Variants in SIN3A observed in about 807,000 individuals in gnomAD.
SIN3A encodes the protein paired amphipathic helix protein Sin3a.
SIN3A carries 14 observed loss-of-function variants against 146.1 expected under a neutral mutation model. The observed-to-expected ratio is 0.10, with a 90% confidence interval of 0.06 to 0.15. SIN3A has a LOEUF of 0.15. Ranked by LOEUF, SIN3A falls within the 10% of genes least tolerant of loss-of-function variation. The pLI, the probability that SIN3A is intolerant of heterozygous loss-of-function variation, is 1.00. For missense variants in SIN3A, 1,028 were observed against 1,576.0 expected (o/e 0.65, Z 5.89); for synonymous variants, 572 against 572.0 (o/e 1.00, Z 0.00).
In SIN3A at chr15:75,369,619, C is replaced by G. The variant is rs1481438969; in HGVS notation, c.*2360G>C. 6.6e-6 allele frequency: 1 copy of G among 152,194 alleles called. No homozygotes were observed. Among genetic ancestry groups the G allele is most frequent in the Admixed American group, 6.5e-5 (1 of 15,280 alleles). The allele number at this position is 152,194 out of a possible 1,614,324, so 9.4% of individuals were successfully genotyped here. A position where few individuals can be genotyped will look rare whatever the true frequency, so the allele number is the denominator to read the frequency against. ...AAAACTTACTCTTTTGTTGGTTGCA[C>G]TGGTGGGTTGGGACTTTCTCCTGAA... On this transcript the variant is annotated 3_prime_UTR_variant, in exon 21 of 21. Transcript: ENST00000394947.
intron 3 of SIN3A, chr15:75,422,316 A>G (rs543972340): frequency 1.7e-6 from 1 of 575,748 alleles, no homozygotes; most frequent in East Asian, 2.8e-5. Flanking sequence ...GTAGCCAATC[A>G]TATATGTGCT....
chr15:75,415,036 T>C (rs1457237482), intron 3 of SIN3A, among the ~76,000 whole-genome samples: 1 of 152,228 alleles, frequency 6.6e-6, no homozygotes, highest in Non-Finnish European at 1.5e-5. Flanking sequence ...GTAAATCTTG[T>C]GAAAAAGCAA....
chr15:75,419,536 T>C (rs780724026), intron 3 of SIN3A: 4 of 152,012 alleles, frequency 2.6e-5, no homozygotes, highest in Non-Finnish European at 5.9e-5. Context: ...AAATTAGTTA[T>C]AGGCCAGGTG....
chr15:75,409,209 A>C (rs919657673), intron 8 of SIN3A, among the ~76,000 whole-genome samples: 1 of 152,032 alleles, frequency 6.6e-6, no homozygotes, highest in East Asian at 1.9e-4. Flanking sequence ...ATCTCAAAAA[A>C]AAAAGAAGGG....
At chr15:75,416,507 G>C (rs930904756) in intron 3 of SIN3A, among the ~76,000 whole-genome samples, 2 of 152,070 alleles carry the variant, frequency 1.3e-5, no homozygotes, top group Admixed American at 6.6e-5. Context: ...TGTATTTTTA[G>C]TACAGACAGG....
In SIN3A at chr15:75,372,220, GAAA is replaced by G. The variant is rs749375306; in HGVS notation, c.3592-14_3592-12del. On this transcript the variant is annotated splice_polypyrimidine_tract_variant and intron_variant, in intron 20 of 20. Transcript: ENST00000394947. ...TACACGCTCATGGGACTGCAAAACA[GAAA>G]AAAAAAATTTTATTAAATGAAGCAG... is the stretch of plus-strand genomic sequence containing the variant. 7 of 1,503,384 alleles carry G rather than the reference GAAA, an allele frequency of 4.7e-6. No homozygotes were observed. In the African/African-American group the frequency reaches 5.8e-5, roughly 12 times the overall value. The allele number at this position is 1,503,384 out of a possible 1,614,324, so 93.1% of individuals were successfully genotyped here.
At chr15:75,411,913 C>T (rs1158629219) in intron 5 of SIN3A, among the ~76,000 whole-genome samples, 170 bp from the exon 6 acceptor site, 1 of 152,158 alleles carries the variant, frequency 6.6e-6, no homozygotes, top group South Asian at 2.1e-4. Context: ...GAGTTGTAGG[C>T]GGTTCAAACA....
At chr15:75,436,235 G>A (rs1394450123) in intron 1 of SIN3A, 1 of 152,146 alleles carries the variant, frequency 6.6e-6, no homozygotes, top group African/African-American at 2.4e-5. Flanking sequence ...ACTTTGGGAG[G>A]CCGAGGCAGG....
chr15:75,440,615 A>C (rs1401309702), intron 1 of SIN3A, among the ~76,000 whole-genome samples: 1 of 152,130 alleles, frequency 6.6e-6, no homozygotes, highest in African/African-American at 2.4e-5. Flanking sequence ...CATCCTTTAA[A>C]ATGCAACCAA....
upstream of SIN3A, among the ~76,000 whole-genome samples, chr15:75,452,279 A>C (rs763040030): frequency 3.3e-5 from 5 of 152,344 alleles, no homozygotes; most frequent in Admixed American, 1.3e-4. Context: ...CTGCGCGAGG[A>C]GGCTGAACCT....
chr15:75,417,176 G>A lies in SIN3A; in HGVS notation c.367-2865C>T, dbSNP rs1316995689. On this transcript the variant is annotated intron_variant, in intron 3 of 20. Coordinates refer to ENST00000394947, the MANE Select transcript of SIN3A (RefSeq NM_001145358.2). Reference sequence around the variant, plus strand: ...ACTGACCTATCACAAAGAAGAACAGGTTGGAAAGGCTAAGCTATGAGTCTG... The same window carrying A: ...ACTGACCTATCACAAAGAAGAACAGATTGGAAAGGCTAAGCTATGAGTCTG... Among the ~76,000 whole-genome samples the A allele has an allele frequency of 2.0e-5, 3 of 152,202 alleles. No homozygotes were observed. The East Asian group carries it at 5.8e-4, about 29-fold the overall frequency.
intron 4 of SIN3A, 81 bp downstream of exon 4, chr15:75,414,124 T>C (rs1025812047): frequency 6.5e-6 from 4 of 611,506 alleles, no homozygotes; most frequent in African/African-American, 1.9e-5. Context: ...TCCTTTATCT[T>C]CCAGTAAATA....
At position 75,430,369 on chromosome 15, in the gene SIN3A, G is replaced by T. The variant is rs1284838849; in HGVS notation, c.7C>A (p.Arg3=). ...GGTGACTCCTGGTCATCCAAACGCC[G>T]CTTCATTCTGTGCTCATGCTCAGGG... MK[R]RLDDQESPVY... Residue 3 remains arginine, a synonymous_variant, in exon 2 of 21, where the codon CGG becomes AGG. Coordinates refer to ENST00000394947, the MANE Select transcript of SIN3A (RefSeq NM_001145358.2). 6.2e-7 allele frequency: 1 copy of T among 1,608,814 alleles called. No homozygotes were observed. Among genetic ancestry groups the T allele is most frequent in the African/African-American group, 1.3e-5 (1 of 74,742 alleles).
chr15:75,396,599 A>G (rs1328151049), intron 12 of SIN3A, 103 bp from the exon 13 acceptor site: 1 of 809,644 alleles, frequency 1.2e-6, no homozygotes, highest in South Asian at 1.7e-5. Flanking sequence ...TTGGATTTGA[A>G]TCCTGGTTCT....
Position 75,426,869 on chromosome 15 carries a change from G to A in SIN3A, c.189+3318C>T, listed in dbSNP as rs139675212. ...ATTGCTTGAGCCCAGGAGGTGAAGG[G>A]TGCAGTGAGCTGAGATCATGCCACA... On this transcript the variant is annotated intron_variant, in intron 2 of 20. Coordinates refer to ENST00000394947, the MANE Select transcript of SIN3A (RefSeq NM_001145358.2). 3.5e-3 allele frequency among the ~76,000 whole-genome samples: 534 copies of A among 152,092 alleles called. 4 individuals are homozygous for A. Among genetic ancestry groups the A allele is most frequent in the African/African-American group, 0.012 (512 of 41,494 alleles).
rs1193404276 is a variant in SIN3A, at chr15:75,430,407, A to G, written c.-32T>C. 6.4e-7 allele frequency: 1 copy of G among 1,567,340 alleles called. No individual in the cohort carries two copies. Among genetic ancestry groups the G allele is most frequent in the Non-Finnish European group, 8.6e-7 (1 of 1,157,292 alleles). ...CTCATGCTCAGGGATGCACTACAAA[A>G]CCTGCAGAAACCAAAAGCAATAGCA... On this transcript the variant is annotated splice_region_variant and 5_prime_UTR_variant, in exon 2 of 21. Transcript: ENST00000394947.
intron 3 of SIN3A, among the ~76,000 whole-genome samples, chr15:75,418,521 T>TGTTG: frequency 6.6e-6 from 1 of 152,200 alleles, no homozygotes; most frequent in Non-Finnish European, 1.5e-5. Flanking sequence ...AGTTTTACCA[T>TGTTG]GTTGGCCAGG....
intron 16 of SIN3A, among the ~76,000 whole-genome samples, chr15:75,386,043 CAG>C (rs1407241813): frequency 2.6e-5 from 4 of 152,180 alleles, no homozygotes; most frequent in African/African-American, 9.7e-5. Context: ...CTTTTTGAGA[CAG>C]AGTCTCGCTC....
At chr15:75,391,532 A>G (rs1037170141) in intron 15 of SIN3A, among the ~76,000 whole-genome samples, 2 of 151,202 alleles carry the variant, frequency 1.3e-5, no homozygotes, top group Admixed American at 1.3e-4. Context: ...AAGAAGATAC[A>G]CTCCTCAGGT....
Sources: allele counts gnomAD v4.1 joint callset (sites outside exome capture counted in the v4.1 genomes callset), GRCh38; gene constraint gnomAD v4.1.1; transcripts MANE v1.5; gene names NCBI Gene and HGNC (gene_info 2026-07-23, HGNC 2026-07-21).